SNX18: variants seen among roughly 807,000 people sequenced by gnomAD.
The protein encoded by SNX18 is sorting nexin-18.
A neutral mutation model predicts 48.7 loss-of-function variants in SNX18; 35 were observed. That is an observed-to-expected ratio of 0.72 (90% confidence interval 0.55 to 0.95). SNX18 has a LOEUF of 0.95. Among genes scored for constraint, SNX18 ranks in the 40% least tolerant of loss-of-function variants. The probability of loss-of-function intolerance (pLI) is 0.00; values close to 1 mark genes in which losing one functional copy is unlikely to be tolerated. For synonymous variants in SNX18, 492 were observed against 384.7 expected, an observed-to-expected ratio of 1.28 and a Z score of -3.26; for missense variants, 824 against 871.0, an observed-to-expected ratio of 0.95 and a Z score of 0.68.
the SNX18 span, among the ~76,000 whole-genome samples, chr5:54,625,524 G>A: frequency 1.2e-4 from 18 of 152,106 alleles, no homozygotes; most frequent in Non-Finnish European, 7.3e-5. Flanking sequence ...CAGAGTGAAG[G>A]CTCTGAGGGA....
the SNX18 span, among the ~76,000 whole-genome samples, chr5:54,574,123 G>C: frequency 1.3e-5 from 2 of 152,120 alleles, no homozygotes; most frequent in East Asian, 3.9e-4. Context: ...CTGAGAACTC[G>C]ACCAGACAAC....
chr5:54,519,642 G>A (rs1403130771), intron 1 of SNX18, 69 bp downstream of exon 1: 1 of 1,614,090 alleles, frequency 6.2e-7, no homozygotes, highest in African/African-American at 1.3e-5. Flanking sequence ...GACTTTGACA[G>A]CAGTACCACT....
At chr5:54,630,964 G>A in the SNX18 span, among the ~76,000 whole-genome samples, 1 of 152,076 alleles carries the variant, frequency 6.6e-6, no homozygotes, top group Admixed American at 6.6e-5. Context: ...ACCCAGAGGA[G>A]CCCAGGTTTT....
the SNX18 span, among the ~76,000 whole-genome samples, chr5:54,646,955 G>A: frequency 6.6e-6 from 1 of 152,176 alleles, no homozygotes; most frequent in African/African-American, 2.4e-5. Flanking sequence ...GCTCGAAGCG[G>A]TATAAATGGC....
chr5:54,531,748 C>T (rs1762255713), intron 1 of SNX18, among the ~76,000 whole-genome samples: 1 of 152,154 alleles, frequency 6.6e-6, no homozygotes, highest in Non-Finnish European at 1.5e-5. Flanking sequence ...GAGGCGTGTC[C>T]TTACATTTAA....
intron 1 of SNX18, among the ~76,000 whole-genome samples, chr5:54,526,742 G>A (rs1227673179): frequency 6.6e-6 from 1 of 152,174 alleles, no homozygotes; most frequent in African/African-American, 2.4e-5. Flanking sequence ...CTAGCAGGGT[G>A]GAGACACTCA....
At chr5:54,642,099 C>T in the SNX18 span, among the ~76,000 whole-genome samples, 1 of 152,194 alleles carries the variant, frequency 6.6e-6, no homozygotes, top group Admixed American at 6.5e-5. Flanking sequence ...GTTGATGCTA[C>T]AGCAGCAGCA....
chr5:54,635,795 G>A, the SNX18 span, among the ~76,000 whole-genome samples: 1 of 152,178 alleles, frequency 6.6e-6, no homozygotes, highest in African/African-American at 2.4e-5. Context: ...CTCTGCTGCT[G>A]CCATCTTGAA....
chr5:54,542,055 CT>C (rs1762481331), intron 1 of SNX18, among the ~76,000 whole-genome samples: 1 of 152,208 alleles, frequency 6.6e-6, no homozygotes, highest in South Asian at 2.1e-4. Context: ...TCTCTGTGTT[CT>C]GTCTTGCCTT....
the SNX18 span, among the ~76,000 whole-genome samples, chr5:54,624,713 G>A: frequency 6.6e-6 from 1 of 152,282 alleles, no homozygotes; most frequent in South Asian, 2.1e-4. Flanking sequence ...AATCGGGAAG[G>A]GAAATAAAGT....
At chr5:54,622,742 T>A in the SNX18 span, among the ~76,000 whole-genome samples, 1 of 151,734 alleles carries the variant, frequency 6.6e-6, no homozygotes, top group Non-Finnish European at 1.5e-5. Context: ...TCTATTTACA[T>A]CTATTAATTT....
At chr5:54,535,398 C>G (rs1463348730) in intron 1 of SNX18, among the ~76,000 whole-genome samples, 1 of 152,166 alleles carries the variant, frequency 6.6e-6, no homozygotes, top group Non-Finnish European at 1.5e-5. Flanking sequence ...GGGAATTTTC[C>G]AGGTACAGAA....
chr5:54,591,251 T>C, the SNX18 span, among the ~76,000 whole-genome samples: 1 of 152,032 alleles, frequency 6.6e-6, no homozygotes, highest in Non-Finnish European at 1.5e-5. Context: ...GTGATCATAG[T>C]TCATTACAGC....
the SNX18 span, among the ~76,000 whole-genome samples, chr5:54,566,081 GTCTTATTAACCAA>G: frequency 6.6e-6 from 1 of 152,066 alleles, no homozygotes. Context: ...CCTGGATATG[GTCTTATTAACCAA>G]ACTCAGGTGG....
At chr5:54,606,758 C>G in the SNX18 span, among the ~76,000 whole-genome samples, 3 of 152,172 alleles carry the variant, frequency 2.0e-5, no homozygotes, top group Admixed American at 6.5e-5. Flanking sequence ...ATATCACAAC[C>G]AGGAGATTGA....
chr5:54,561,806 C>T, the SNX18 span, among the ~76,000 whole-genome samples: 1 of 152,042 alleles, frequency 6.6e-6, no homozygotes, highest in African/African-American at 2.4e-5. Flanking sequence ...ATATGCAGGG[C>T]CTTTTGACTC....
chr5:54,585,822 T>A, the SNX18 span, among the ~76,000 whole-genome samples: 1 of 151,676 alleles, frequency 6.6e-6, no homozygotes, highest in South Asian at 2.1e-4. Context: ...GCTAACATGG[T>A]GAAACCCCGT....
At chr5:54,628,943 G>A in the SNX18 span, among the ~76,000 whole-genome samples, 3 of 152,250 alleles carry the variant, frequency 2.0e-5, no homozygotes, top group Admixed American at 1.3e-4. Flanking sequence ...AGAATTGGTG[G>A]CTCCCTGCTG....
the SNX18 span, among the ~76,000 whole-genome samples, chr5:54,632,603 A>C: frequency 6.6e-6 from 1 of 151,900 alleles, no homozygotes; most frequent in African/African-American, 2.4e-5. Flanking sequence ...AACCACTGAG[A>C]AGGGGGCTTA....
Sources: gnomAD v4.1 joint callset for allele counts (sites outside exome capture counted in the v4.1 genomes callset) on GRCh38, gnomAD v4.1.1 for gene constraint, MANE v1.5 for transcripts, NCBI Gene and HGNC (gene_info 2026-07-23, HGNC 2026-07-21) for gene names.